The following AFAP1L2 variants were observed in gnomAD, a reference collection of about 807,000 sequenced individuals.
AFAP1L2 encodes the protein actin filament-associated protein 1-like 2.
In AFAP1L2, 46 loss-of-function variants were observed where a neutral mutation model predicts 99.3. The observed-to-expected ratio is 0.46, with a 90% CI of 0.37 to 0.59. The LOEUF (loss-of-function observed/expected upper bound fraction) is 0.59. Ranked by LOEUF, AFAP1L2 falls within the 20% of genes least tolerant of loss-of-function variation. The pLI is 0.00. For synonymous variants in AFAP1L2, 397 were observed against 419.1 expected, an observed-to-expected ratio of 0.95 and a Z score of 0.64; for missense variants, 959 against 1,034.9, an observed-to-expected ratio of 0.93 and a Z score of 1.01.
At chr10:114,403,382 T>C (rs767438847) in intron 1 of AFAP1L2, among the ~76,000 whole-genome samples, 13 of 152,202 alleles carry the variant, frequency 8.5e-5, no homozygotes, top group Non-Finnish European at 1.6e-4. Flanking sequence ...TTATGTCAGT[T>C]TCAGGGATCA....
At chr10:114,334,520 C>A (rs2047654979) in intron 2 of AFAP1L2, among the ~76,000 whole-genome samples, 1 of 152,222 alleles carries the variant, frequency 6.6e-6, no homozygotes, top group Non-Finnish European at 1.5e-5. Flanking sequence ...CTCCAGCCAA[C>A]AGGCCTGCAA....
intron 2 of AFAP1L2, among the ~76,000 whole-genome samples, chr10:114,338,534 C>G (rs2048323132): frequency 6.6e-6 from 1 of 152,182 alleles, no homozygotes; most frequent in Non-Finnish European, 1.5e-5. Context: ...GTGAACAACT[C>G]AAATGGCCAT....
At chr10:114,388,632 A>T (rs2056798314) in intron 1 of AFAP1L2, among the ~76,000 whole-genome samples, 1 of 152,194 alleles carries the variant, frequency 6.6e-6, no homozygotes, top group African/African-American at 2.4e-5. Context: ...CTCTGCACTG[A>T]GACAATGCTT....
chr10:114,306,708 A>G, intron 10 of AFAP1L2, among the ~76,000 whole-genome samples: 1 of 151,306 alleles, frequency 6.6e-6, no homozygotes, highest in East Asian at 1.9e-4. Context: ...ATCATTAAGC[A>G]CCCCCAGTCC....
chr10:114,307,995 T>C, intron 9 of AFAP1L2, 86 bp from the exon 10 acceptor site: 1 of 1,071,110 alleles, frequency 9.3e-7, no homozygotes, highest in Non-Finnish European at 1.4e-6. Context: ...CAAACCCATT[T>C]CCACTCCATC....
intron 1 of AFAP1L2, among the ~76,000 whole-genome samples, chr10:114,391,031 C>A (rs1265578352): frequency 6.6e-6 from 1 of 152,054 alleles, no homozygotes; most frequent in African/African-American, 2.4e-5. Flanking sequence ...GTTAATGTGC[C>A]TTGTATATCC....
intron 1 of AFAP1L2, among the ~76,000 whole-genome samples, chr10:114,362,748 A>G (rs2052621171): frequency 6.6e-6 from 1 of 152,224 alleles, no homozygotes; most frequent in Admixed American, 6.5e-5. Flanking sequence ...CCGTAGCTTT[A>G]GGAAGAAAAC....
At chr10:114,329,040 A>T (rs1045558308) in intron 4 of AFAP1L2, among the ~76,000 whole-genome samples, 2 of 152,226 alleles carry the variant, frequency 1.3e-5, no homozygotes, top group African/African-American at 4.8e-5. Context: ...TGGCTTTGCT[A>T]GAAGTCTCCC....
chr10:114,307,158 A>G (rs535188997), intron 10 of AFAP1L2, among the ~76,000 whole-genome samples: 1 of 152,250 alleles, frequency 6.6e-6, no homozygotes, highest in African/African-American at 2.4e-5. Flanking sequence ...AAGGCTGTAG[A>G]GATGACCTCT....
chr10:114,325,949 C>T (rs1158399749), intron 4 of AFAP1L2: 1 of 1,289,386 alleles, frequency 7.8e-7, no homozygotes, highest in Non-Finnish European at 1.0e-6. Context: ...GGGCCTCCAG[C>T]TCCAGCCTCC....
chr10:114,357,174 T>G (rs1367120684), intron 1 of AFAP1L2, among the ~76,000 whole-genome samples: 1 of 152,204 alleles, frequency 6.6e-6, no homozygotes, highest in Non-Finnish European at 1.5e-5. Flanking sequence ...GGGAATAGTT[T>G]GCATTTGGCT....
chr10:114,310,502 C>A, intron 7 of AFAP1L2, 59 bp from the exon 8 acceptor site: 1 of 1,502,664 alleles, frequency 6.7e-7, no homozygotes, highest in Non-Finnish European at 9.1e-7. Context: ...CACTCACAGC[C>A]AGGCTGAAGC....
intron 1 of AFAP1L2, among the ~76,000 whole-genome samples, chr10:114,391,996 C>T (rs1376053406): frequency 1.3e-5 from 2 of 152,192 alleles, no homozygotes; most frequent in African/African-American, 4.8e-5. Context: ...ATGCCGCCTG[C>T]ACTCAAGGAC....
In AFAP1L2 at chr10:114,297,312, C is replaced by G; in HGVS notation, c.2215G>C (p.Glu739Gln). ...RRVDLELSIM[E>Q]VKDNLKKAEA... ...GCCTTCTTCAGGTTGTCCTTCACCTCCATGATGCTGAGCTCCAGGTCCACG... is the reference window on the plus strand; with the variant it reads ...GCCTTCTTCAGGTTGTCCTTCACCTGCATGATGCTGAGCTCCAGGTCCACG... Residue 739 changes from glutamate to glutamine, a missense_variant, in exon 17 of 19, where the codon GAG becomes CAG. Around this residue, in one of 2 missense-constraint regions of AFAP1L2, gnomAD observed 576 missense variants for 562.1 expected, o/e 1.02. Coordinates refer to ENST00000304129, the MANE Select transcript of AFAP1L2 (RefSeq NM_001001936.3). The G allele has an allele frequency of 3.1e-6, 5 of 1,614,056 alleles. No homozygotes were observed. The highest frequency in any genetic ancestry group is 1.7e-6 in the Non-Finnish European group (2 of 1,180,044).
intron 4 of AFAP1L2, 69 bp downstream of exon 4, chr10:114,331,734 C>A: frequency 9.0e-7 from 1 of 1,116,222 alleles, no homozygotes; most frequent in Non-Finnish European, 1.2e-6. Context: ...TGAGCTGACA[C>A]CTGTGGAGAC....
At chr10:114,284,913 G>T in the AFAP1L2 span, 1 of 1,605,566 alleles carries the variant, frequency 6.2e-7, no homozygotes, top group Non-Finnish European at 8.5e-7. Context: ...TGTTCCAGAA[G>T]GACTGGACGG....
chr10:114,331,147 C>T (rs890926988), intron 4 of AFAP1L2, among the ~76,000 whole-genome samples: 14 of 151,646 alleles, frequency 9.2e-5, no homozygotes, highest in South Asian at 2.1e-4. Flanking sequence ...TGCTAAGGAA[C>T]GGGATTTTTT....
At chr10:114,363,462 G>A (rs1457168569) in intron 1 of AFAP1L2, among the ~76,000 whole-genome samples, 1 of 152,080 alleles carries the variant, frequency 6.6e-6, no homozygotes, top group South Asian at 2.1e-4. Context: ...GCCCTGTCGC[G>A]GCTCCAACCA....
intron 1 of AFAP1L2, among the ~76,000 whole-genome samples, chr10:114,378,651 T>C (rs186909089): frequency 2.0e-4 from 31 of 152,338 alleles, no homozygotes; most frequent in African/African-American, 7.5e-4. Context: ...AGATAGTGAC[T>C]GAAATTAAAT....
Sources: gnomAD v4.1 joint callset for allele counts (sites outside exome capture counted in the v4.1 genomes callset) on GRCh38, gnomAD v4.1.1 for gene constraint, gnomAD v4.1.1 regional missense constraint, MANE v1.5 for transcripts, NCBI Gene and HGNC (gene_info 2026-07-23, HGNC 2026-07-21) for gene names.